The following NFAT5 variants were observed in gnomAD, a reference collection of about 807,000 sequenced individuals.
NFAT5 encodes the protein nuclear factor of activated T cells 5.
A neutral mutation model predicts 166.5 loss-of-function variants in NFAT5; 31 were observed. That is an observed-to-expected ratio of 0.19 (90% confidence interval 0.14 to 0.25). The LOEUF is 0.25. NFAT5 is among the 10% of genes least tolerant of loss of function. The pLI is 1.00. For synonymous variants in NFAT5, 612 were observed against 639.7 expected, an observed-to-expected ratio of 0.96 and a Z score of 0.65; for missense variants, 1,449 against 1,821.8, an observed-to-expected ratio of 0.80 and a Z score of 3.72.
At chr16:69,681,931 AAAAG>A (rs1388932471) in intron 10 of NFAT5, among the ~76,000 whole-genome samples, 251 of 151,440 alleles carry the variant, frequency 1.7e-3, no homozygotes, top group Non-Finnish European at 2.7e-3. Context: ...AAAAAAAAAA[AAAAG>A]AAAGAAAAGA....
chr16:69,620,700 A>G (rs1006250565), intron 2 of NFAT5, among the ~76,000 whole-genome samples: 1 of 152,092 alleles, frequency 6.6e-6, no homozygotes, highest in Non-Finnish European at 1.5e-5. Flanking sequence ...TAGATTAAAA[A>G]AGAGAGAGAG....
intron 2 of NFAT5, among the ~76,000 whole-genome samples, chr16:69,602,522 C>T (rs1458265466): frequency 6.6e-6 from 1 of 151,702 alleles, no homozygotes; most frequent in Admixed American, 6.6e-5. Flanking sequence ...CCACCTCAGC[C>T]TCCCAAAGTG....
intron 2 of NFAT5, among the ~76,000 whole-genome samples, chr16:69,577,104 C>CT (rs2016803250): frequency 6.6e-6 from 1 of 152,116 alleles, no homozygotes; most frequent in Non-Finnish European, 1.5e-5. Flanking sequence ...TCTGCTTTGT[C>CT]TTTTTTAATC....
intron 9 of NFAT5, among the ~76,000 whole-genome samples, chr16:69,671,792 A>G (rs918192978): frequency 6.6e-6 from 1 of 152,188 alleles, no homozygotes; most frequent in Non-Finnish European, 1.5e-5. Context: ...AGACATTACC[A>G]TCTTGGCATA....
At chr16:69,624,873 A>G (rs56316408) in intron 2 of NFAT5, among the ~76,000 whole-genome samples, 36,052 of 151,380 alleles carry the variant, frequency 0.24, 4,628 homozygotes, top group East Asian at 0.45. Context: ...AAATAAGTAT[A>G]CGCGATATGC....
intron 7 of NFAT5, among the ~76,000 whole-genome samples, chr16:69,666,392 A>C (rs1415893310): frequency 1.3e-5 from 2 of 151,432 alleles, no homozygotes; most frequent in Admixed American, 6.6e-5. Context: ...CAACCTACAA[A>C]ATGGGAGAAA....
intron 2 of NFAT5, among the ~76,000 whole-genome samples, chr16:69,585,037 C>T (rs532225186): frequency 6.6e-5 from 10 of 151,940 alleles, no homozygotes; most frequent in African/African-American, 4.8e-5. Context: ...CTCGCTCTGT[C>T]GCCATGCTGG....
At chr16:69,569,874 G>A (rs1379940841) in intron 2 of NFAT5, among the ~76,000 whole-genome samples, 1 of 152,170 alleles carries the variant, frequency 6.6e-6, no homozygotes, top group Non-Finnish European at 1.5e-5. Flanking sequence ...ACTACAATTT[G>A]AAGTGAGAAA....
rs1036781757 is a variant in NFAT5 at position 69,653,275 on chromosome 16, C to T, written c.852C>T (p.Ser284=). The T allele has an allele frequency of 6.2e-6, 10 of 1,606,428 alleles. No individual in the cohort carries two copies. Among genetic ancestry groups the T allele is most frequent in the Middle Eastern group, 1.6e-4 (1 of 6,066 alleles). ...ENQKGTGVKK[S]PMLCGQYPVK... ...AAAAAGGAACTGGAGTAAAGAAGAG[C>T]CCTATGTTGTGTGGACAATATCCTG... The change falls in exon 5 of 15, where the codon AGC becomes AGT. Residue 284 remains serine (S), a synonymous_variant. Coordinates refer to ENST00000349945, the MANE Select transcript of NFAT5 (RefSeq NM_138713.4).
chr16:69,641,816 G>T (rs919014891), intron 3 of NFAT5, among the ~76,000 whole-genome samples: 1 of 152,088 alleles, frequency 6.6e-6, no homozygotes, highest in African/African-American at 2.4e-5. Context: ...TCTTATTTCA[G>T]TCTGGGCATG....
At chr16:69,661,050 T>G (rs2036105556) in intron 7 of NFAT5, among the ~76,000 whole-genome samples, 1 of 151,050 alleles carries the variant, frequency 6.6e-6, no homozygotes, top group Non-Finnish European at 1.5e-5. Context: ...CCTCAAATGA[T>G]CTGCCCACTC....
At chr16:69,675,306 AT>A (rs749918185) in intron 9 of NFAT5, among the ~76,000 whole-genome samples, 19 of 152,224 alleles carry the variant, frequency 1.2e-4, no homozygotes, top group Non-Finnish European at 2.5e-4. Context: ...TTGCCAAACA[AT>A]TTTAAGAGTG....
rs767801967 is a variant in NFAT5, at chr16:69,692,713, A to G, written c.2888A>G (p.Asn963Ser). The change falls in exon 13 of 15, where the codon AAT becomes AGT. Residue 963 changes from asparagine (N) to serine (S), a missense_variant. Asn to Ser is a conservative substitution (Grantham distance 46). Coordinates refer to ENST00000349945, the MANE Select transcript of NFAT5 (RefSeq NM_138713.4). The stretch of plus-strand genomic sequence containing the variant: ...CACATGATGAGTGCATTGTCTACCA[A>G]TGAGGATATGCAAATGCAGTGTGAA... ...TSHMMSALST[N>S]EDMQMQCELF... The G allele has an allele frequency of 4.3e-6, 7 of 1,614,106 alleles. No individual in the cohort carries two copies. The highest frequency in any genetic ancestry group is 3.3e-5 in the South Asian group (3 of 91,084).
chr16:69,683,713 T>C (rs2037166404), intron 10 of NFAT5, among the ~76,000 whole-genome samples: 7 of 152,182 alleles, frequency 4.6e-5, no homozygotes, highest in Admixed American at 3.9e-4. Context: ...CCCAGCACTT[T>C]GGGAGGCCAA....
At chr16:69,600,425 T>C (rs900256116) in intron 2 of NFAT5, among the ~76,000 whole-genome samples, 1 of 151,758 alleles carries the variant, frequency 6.6e-6, no homozygotes, top group Non-Finnish European at 1.5e-5. Context: ...GTAAGGATGG[T>C]TGTGAGGGGA....
rs552160322 is a variant in NFAT5 at position 69,600,624 on chromosome 16, A to G, written c.128-25779A>G. Among the ~76,000 whole-genome samples the G allele has an allele frequency of 2.0e-5, 3 of 152,248 alleles. No individual in the cohort carries two copies. The South Asian group carries it at 6.2e-4, about 32-fold the overall frequency. On this transcript the variant is annotated intron_variant, in intron 2 of 14. Coordinates refer to ENST00000349945, the MANE Select transcript of NFAT5 (RefSeq NM_138713.4). ...AGGATAATTTTTACCTGGGAAAGGAAGTATGGGAAATTTATGTCCTATACA... is the reference window on the plus strand; with the variant it reads ...AGGATAATTTTTACCTGGGAAAGGAGGTATGGGAAATTTATGTCCTATACA...
At chr16:69,662,010 C>A (rs1263921490) in intron 7 of NFAT5, among the ~76,000 whole-genome samples, 2 of 152,100 alleles carry the variant, frequency 1.3e-5, no homozygotes, top group Admixed American at 1.3e-4. Flanking sequence ...ATTGCTTGAG[C>A]CCAGGAGTTT....
intron 11 of NFAT5, among the ~76,000 whole-genome samples, chr16:69,686,622 G>T (rs1238767095): frequency 6.6e-6 from 1 of 152,124 alleles, no homozygotes; most frequent in African/African-American, 2.4e-5. Context: ...CCAGCACTTT[G>T]TGGGGCTGAG....
At chr16:69,694,523 G>T (rs2037694056) in intron 13 of NFAT5, among the ~76,000 whole-genome samples, 1 of 152,198 alleles carries the variant, frequency 6.6e-6, no homozygotes, top group Admixed American at 6.5e-5. Flanking sequence ...CCAAAGTGCT[G>T]GGATTACAGG....
Sources: allele counts gnomAD v4.1 joint callset (sites outside exome capture counted in the v4.1 genomes callset), GRCh38; gene constraint gnomAD v4.1.1; transcripts MANE v1.5; gene names NCBI Gene and HGNC (gene_info 2026-07-23, HGNC 2026-07-21).